Variants in CACNA1C observed in about 807,000 individuals in gnomAD.
CACNA1C encodes voltage-dependent L-type calcium channel subunit alpha-1C.
CACNA1C carries 30 observed loss-of-function variants against 229.0 expected under a neutral mutation model. That is an observed-to-expected ratio of 0.13 (90% CI 0.10 to 0.18). CACNA1C has a LOEUF of 0.18. Ranked by LOEUF, CACNA1C falls within the 10% of genes least tolerant of loss-of-function variation. The pLI is 1.00. For synonymous variants in CACNA1C, 1,114 were observed against 1,132.5 expected (o/e 0.98, Z 0.33); for missense variants, 1,658 against 2,845.0 (o/e 0.58, Z 9.49).
intron 29 of CACNA1C, among the ~76,000 whole-genome samples, chr12:2,623,399 G>A (rs942811031): frequency 4.6e-5 from 7 of 152,148 alleles, no homozygotes; most frequent in Middle Eastern, 3.4e-3. Flanking sequence ...GGCCGGCCCC[G>A]TCCTCCAGCC....
At chr12:1,978,149 G>C (rs2035008926) in intron 1 of CACNA1C, among the ~76,000 whole-genome samples, 2 of 152,136 alleles carry the variant, frequency 1.3e-5, no homozygotes, top group African/African-American at 4.8e-5. Flanking sequence ...TCTGACCATG[G>C]GGAGAAAGCA....
intron 1 of CACNA1C, among the ~76,000 whole-genome samples, chr12:2,023,525 T>A (rs1160461693): frequency 6.6e-6 from 1 of 152,126 alleles, no homozygotes; most frequent in Non-Finnish European, 1.5e-5. Context: ...AGTGAGAACT[T>A]CCTCCTATTG....
chr12:2,021,389 C>T (rs76837610), intron 1 of CACNA1C, among the ~76,000 whole-genome samples: 4,471 of 152,212 alleles, frequency 0.029, 92 homozygotes, highest in Non-Finnish European at 0.044. Flanking sequence ...TATAAAGACA[C>T]TCATTTTTGC....
intron 3 of CACNA1C, among the ~76,000 whole-genome samples, chr12:2,184,612 C>T (rs898725990): frequency 7.9e-5 from 12 of 152,168 alleles, no homozygotes; most frequent in African/African-American, 2.9e-4. Flanking sequence ...ATAGTTTATT[C>T]ATTAGCCTGT....
At chr12:2,629,032 C>T (rs147526247) in intron 29 of CACNA1C, among the ~76,000 whole-genome samples, 26 of 152,208 alleles carry the variant, frequency 1.7e-4, no homozygotes, top group African/African-American at 5.8e-4. Context: ...GGTATTGGTC[C>T]TCACATTAAC....
chr12:2,347,785 C>T (rs1335155926), intron 3 of CACNA1C, among the ~76,000 whole-genome samples: 1 of 152,238 alleles, frequency 6.6e-6, no homozygotes, highest in African/African-American at 2.4e-5. Context: ...CAGACCTGCC[C>T]AGTGATGTCC....
chr12:2,610,145 A>T (rs1026700167), intron 27 of CACNA1C, among the ~76,000 whole-genome samples: 1 of 152,100 alleles, frequency 6.6e-6, no homozygotes, highest in South Asian at 2.1e-4. Flanking sequence ...GAAGTACCCA[A>T]GGAGGGTCTG....
chr12:2,262,762 AAC>A (rs1190313523), intron 3 of CACNA1C, among the ~76,000 whole-genome samples: 1 of 152,214 alleles, frequency 6.6e-6, no homozygotes, highest in Non-Finnish European at 1.5e-5. Context: ...GAAGCTCAGA[AAC>A]ACACAGCAGA....
intron 13 of CACNA1C, among the ~76,000 whole-genome samples, chr12:2,579,952 G>A (rs2059912556): frequency 6.6e-6 from 1 of 152,158 alleles, no homozygotes; most frequent in Admixed American, 6.5e-5. Context: ...GCTGTAAGAG[G>A]GGAGGGTGTT....
At chr12:2,149,779 C>G (rs774165246) in intron 3 of CACNA1C, among the ~76,000 whole-genome samples, 1 of 151,974 alleles carries the variant, frequency 6.6e-6, no homozygotes, top group African/African-American at 2.4e-5. Flanking sequence ...TGTGTAGGAC[C>G]CAGGGGGGAG....
chr12:2,421,189 A>T (rs755367131), intron 3 of CACNA1C, among the ~76,000 whole-genome samples: 1 of 152,196 alleles, frequency 6.6e-6, no homozygotes, highest in Non-Finnish European at 1.5e-5. Flanking sequence ...AATATATAAA[A>T]CATGTGATGA....
chr12:2,494,727 AT>A (rs1374380902), intron 7 of CACNA1C, among the ~76,000 whole-genome samples: 1 of 152,190 alleles, frequency 6.6e-6, no homozygotes, highest in Non-Finnish European at 1.5e-5. Context: ...CTGTCATATG[AT>A]TTCTTTAAAA....
intron 1 of CACNA1C, among the ~76,000 whole-genome samples, chr12:1,981,257 C>T (rs2036042328): frequency 1.3e-5 from 2 of 152,220 alleles, no homozygotes; most frequent in Non-Finnish European, 2.9e-5. Flanking sequence ...CACAGAGGCT[C>T]CTTAATGCCT....
upstream of CACNA1C, among the ~76,000 whole-genome samples, chr12:2,050,516 T>C (rs938141975): frequency 6.6e-6 from 1 of 152,172 alleles, no homozygotes; most frequent in East Asian, 1.9e-4. Context: ...TGCAAACCAA[T>C]TTTACTATTC....
intron 7 of CACNA1C, among the ~76,000 whole-genome samples, chr12:2,496,674 T>C (rs1400009617): frequency 6.6e-6 from 1 of 152,250 alleles, no homozygotes; most frequent in Admixed American, 6.5e-5. Flanking sequence ...TACTTGAACA[T>C]TGCTTCAGCT....
chr12:2,530,246 C>T (rs746479159), intron 9 of CACNA1C, among the ~76,000 whole-genome samples: 5 of 152,244 alleles, frequency 3.3e-5, no homozygotes, highest in African/African-American at 4.8e-5. Context: ...ATGCCTTAAT[C>T]TGGCCAGGAA....
intron 30 of CACNA1C, among the ~76,000 whole-genome samples, chr12:2,645,743 G>A (rs539923732): frequency 2.8e-4 from 42 of 152,302 alleles, no homozygotes; most frequent in Middle Eastern, 3.4e-3. Flanking sequence ...ATCGCGAGTG[G>A]TTATTCATTT....
chr12:2,256,090 C>CGACCCTGACCTGACTAGTTTACAAT (rs142296568), intron 3 of CACNA1C, among the ~76,000 whole-genome samples: 1 of 34,922 alleles, frequency 2.9e-5, no homozygotes. Flanking sequence ...TACAATCACA[C>CGACCCTGACCTGACTAGTTTACAAT]CTCCTGTTTC....
At chr12:2,609,667 G>A (rs1191264688) in intron 27 of CACNA1C, among the ~76,000 whole-genome samples, 1 of 151,626 alleles carries the variant, frequency 6.6e-6, no homozygotes, top group Non-Finnish European at 1.5e-5. Flanking sequence ...GGTTTGAGAA[G>A]AAGCTGGGGA....
Sources: allele counts gnomAD v4.1 joint callset (sites outside exome capture counted in the v4.1 genomes callset), GRCh38; gene constraint gnomAD v4.1.1; transcripts MANE v1.5; gene names NCBI Gene and HGNC (gene_info 2026-07-23, HGNC 2026-07-21).